ABL2: variants seen among roughly 807,000 people sequenced by gnomAD.
ABL2 encodes tyrosine-protein kinase ABL2.
A neutral mutation model predicts 107.7 loss-of-function variants in ABL2; 49 were observed. The observed-to-expected ratio is 0.45, with a 90% CI of 0.36 to 0.58. ABL2 has a LOEUF of 0.58. Ranked by LOEUF, ABL2 falls within the 20% of genes least tolerant of loss-of-function variation. The pLI is 0.00. For synonymous variants in ABL2, 549 were observed against 548.6 expected, an observed-to-expected ratio of 1.00 and a Z score of -0.01; for missense variants, 1,245 against 1,457.0, an observed-to-expected ratio of 0.85 and a Z score of 2.37.
chr1:179,121,467 A>G, intron 5 of ABL2, 128 bp downstream of exon 5: 1 of 1,245,814 alleles, frequency 8.0e-7, no homozygotes, highest in Non-Finnish European at 1.1e-6. Flanking sequence ...AATCATCTCA[A>G]TTTGCTGATG....
chr1:179,142,782 G>A (rs998775286), intron 1 of ABL2: 3 of 795,066 alleles, frequency 3.8e-6, no homozygotes, highest in Non-Finnish European at 5.9e-6. Flanking sequence ...ATCCTACTAT[G>A]AGATATTCCC....
chr1:179,199,883 C>T (rs1379309018), intron 1 of ABL2, among the ~76,000 whole-genome samples: 1 of 151,610 alleles, frequency 6.6e-6, no homozygotes, highest in African/African-American at 2.4e-5. Flanking sequence ...CAGGCATGTA[C>T]CTCCATGCCA....
intron 1 of ABL2, among the ~76,000 whole-genome samples, chr1:179,146,251 AG>A (rs1385870814): frequency 1.3e-5 from 2 of 152,336 alleles, no homozygotes; most frequent in African/African-American, 4.8e-5. Context: ...GTGGAGACAA[AG>A]AAAAGTGGAA....
intron 6 of ABL2, among the ~76,000 whole-genome samples, 159 bp from the exon 7 acceptor site, chr1:179,118,923 G>A (rs1654915299): frequency 6.6e-6 from 1 of 152,116 alleles, no homozygotes; most frequent in Non-Finnish European, 1.5e-5. Flanking sequence ...CAAAAACTAA[G>A]AAGCTGGTTT....
intron 1 of ABL2, among the ~76,000 whole-genome samples, chr1:179,193,500 G>C (rs1661134654): frequency 6.6e-6 from 1 of 150,464 alleles, no homozygotes; most frequent in Non-Finnish European, 1.5e-5. Flanking sequence ...TGCCTCCTGG[G>C]TTCAAGCAAT....
intron 1 of ABL2, among the ~76,000 whole-genome samples, chr1:179,169,031 G>A (rs1229543036): frequency 6.6e-6 from 1 of 152,092 alleles, no homozygotes; most frequent in Admixed American, 6.6e-5. Flanking sequence ...TAGACAGAAT[G>A]GTTAGTAATA....
intron 4 of ABL2, among the ~76,000 whole-genome samples, chr1:179,125,971 C>T (rs989538886): frequency 6.6e-6 from 1 of 152,174 alleles, no homozygotes; most frequent in African/African-American, 2.4e-5. Flanking sequence ...TAATGATCGA[C>T]ACCAAGCTCA....
intron 1 of ABL2, among the ~76,000 whole-genome samples, chr1:179,161,347 A>G (rs1227144487): frequency 7.4e-6 from 1 of 135,862 alleles, no homozygotes; most frequent in Non-Finnish European, 1.6e-5. Flanking sequence ...GGGATACCCT[A>G]CCTCAAAAGA....
chr1:179,120,079 G>A, intron 6 of ABL2, 111 bp downstream of exon 6: 1 of 635,872 alleles, frequency 1.6e-6, no homozygotes, highest in Non-Finnish European at 2.7e-6. Flanking sequence ...ACAACAGAGC[G>A]AGACCCTGTC....
At chr1:179,185,374 G>C (rs1435313980) in intron 1 of ABL2, among the ~76,000 whole-genome samples, 1 of 152,004 alleles carries the variant, frequency 6.6e-6, no homozygotes, top group Non-Finnish European at 1.5e-5. Context: ...CCACTCAATG[G>C]GAGAATCAGC....
At chr1:179,133,439 T>TAA in intron 1 of ABL2, 65 bp from the exon 2 acceptor site, 1 of 1,613,038 alleles carries the variant, frequency 6.2e-7, no homozygotes, top group Non-Finnish European at 8.5e-7. Flanking sequence ...AACATCAAGC[T>TAA]AAAGTCTCCT....
rs886118844 is a variant in ABL2, at chr1:179,126,174, A to T, written c.687+203T>A. ...TCTAGCTTATCTTTAAAATATTAATATAATACTGTTTTTAAAAATTTCTAT... is the reference window on the plus strand; with the variant it reads ...TCTAGCTTATCTTTAAAATATTAATTTAATACTGTTTTTAAAAATTTCTAT... On this transcript the variant is annotated intron_variant, in intron 4 of 11. Transcript: ENST00000502732. This position sits in a 1 kb window ranked among gnomAD's most constrained non-coding sequence, Gnocchi z 4.4. Among the ~76,000 whole-genome samples, 1 of 152,156 alleles carries T rather than the reference A, an allele frequency of 6.6e-6. No individual in the cohort carries two copies. Among genetic ancestry groups the T allele is most frequent in the East Asian group, 1.9e-4 (1 of 5,204 alleles).
In ABL2 at chr1:179,118,699, C is replaced by G; in HGVS notation, c.1111G>C (p.Asp371His). 1 of 1,613,964 alleles carries G rather than the reference C, an allele frequency of 6.2e-7. No individual in the cohort carries two copies. The highest frequency in any genetic ancestry group is 8.5e-7 in the Non-Finnish European group (1 of 1,179,970). The change falls in exon 7 of 12, where the codon GAT becomes CAT. Residue 371 changes from aspartate to histidine, a missense_variant. Physicochemically the swap from Asp to His is moderately conservative, Grantham distance 81. Transcript: ENST00000502732. ...TEYMPYGNLL[D>H]YLRECNREEV... ...TCTCGGTTGCATTCTCGGAGGTAAT[C>G]CAGCAAATTCCCGTATGGCATGTAT...
chr1:179,213,733 T>C (rs767910613), intron 1 of ABL2, among the ~76,000 whole-genome samples: 1 of 152,212 alleles, frequency 6.6e-6, no homozygotes, highest in Non-Finnish European at 1.5e-5. Context: ...ATTTTAAATC[T>C]TGTCATATTC....
At chr1:179,170,063 TA>T (rs1399355802) in intron 1 of ABL2, among the ~76,000 whole-genome samples, 2 of 152,088 alleles carry the variant, frequency 1.3e-5, no homozygotes, top group Non-Finnish European at 2.9e-5. Flanking sequence ...AAAACATGTT[TA>T]TTTGGCTCAC....
intron 1 of ABL2, among the ~76,000 whole-genome samples, chr1:179,197,726 A>G (rs1284076746): frequency 6.6e-6 from 1 of 151,944 alleles, no homozygotes; most frequent in Non-Finnish European, 1.5e-5. Context: ...AAAATTAACC[A>G]GGCGTGGTGG....
chr1:179,145,945 G>T (rs984264668), intron 1 of ABL2, among the ~76,000 whole-genome samples: 11 of 151,498 alleles, frequency 7.3e-5, no homozygotes, highest in African/African-American at 2.7e-4. Flanking sequence ...CCAGGCTGGG[G>T]TGCAGTGGCG....
intron 4 of ABL2, among the ~76,000 whole-genome samples, chr1:179,124,814 T>C (rs1427808169): frequency 6.6e-6 from 1 of 152,194 alleles, no homozygotes; most frequent in Non-Finnish European, 1.5e-5. Flanking sequence ...TATTGTTTTA[T>C]GTCTGCTTTT....
At chr1:179,188,470 G>A (rs939022292) in intron 1 of ABL2, among the ~76,000 whole-genome samples, 2 of 151,610 alleles carry the variant, frequency 1.3e-5, no homozygotes, top group African/African-American at 2.4e-5. Flanking sequence ...TTGTTTGAAC[G>A]CGGGAGGTAG....
Sources: allele counts gnomAD v4.1 joint callset (sites outside exome capture counted in the v4.1 genomes callset), GRCh38; gene constraint gnomAD v4.1.1; non-coding constraint Gnocchi (gnomAD v3.1); transcripts MANE v1.5; gene names NCBI Gene and HGNC (gene_info 2026-07-23, HGNC 2026-07-21).